Variants in BRINP3 observed in about 807,000 individuals in gnomAD.
The protein encoded by BRINP3 is BMP/retinoic acid inducible neural specific 3, also known as BMP/retinoic acid-inducible neural-specific protein 3.
Under a neutral mutation model 71.0 loss-of-function variants are expected in BRINP3, and 19 were observed. That is an observed-to-expected ratio of 0.27 (90% CI 0.19 to 0.39). The LOEUF is 0.39. BRINP3 is among the 10% of genes least tolerant of loss of function. BRINP3 has a pLI of 1.00. For missense variants in BRINP3, 959 were observed against 940.8 expected, an observed-to-expected ratio of 1.02 and a Z score of -0.25; for synonymous variants, 380 against 337.7, an observed-to-expected ratio of 1.13 and a Z score of -1.37.
chr1:190,205,059 C>G (rs1051249525), intron 6 of BRINP3, among the ~76,000 whole-genome samples: 45 of 151,666 alleles, frequency 3.0e-4, no homozygotes, highest in African/African-American at 1.1e-3. Flanking sequence ...AGCCAGTATG[C>G]AGTTGATATG....
intron 2 of BRINP3, among the ~76,000 whole-genome samples, chr1:190,413,581 A>G (rs1420220593): frequency 2.0e-5 from 3 of 152,196 alleles, no homozygotes; most frequent in Non-Finnish European, 4.4e-5. Flanking sequence ...GCCACCATCC[A>G]TGTAATGCTA....
intron 6 of BRINP3, among the ~76,000 whole-genome samples, chr1:190,174,414 A>G (rs1652304265): frequency 6.6e-6 from 1 of 152,166 alleles, no homozygotes; most frequent in African/African-American, 2.4e-5. Context: ...ATCCATACGT[A>G]TATATACACA....
intron 2 of BRINP3, among the ~76,000 whole-genome samples, chr1:190,312,179 A>G (rs1411202775): frequency 1.3e-5 from 2 of 149,816 alleles, no homozygotes; most frequent in Non-Finnish European, 3.0e-5. Flanking sequence ...CTCAATAGCA[A>G]ATGATGATCT....
chr1:190,137,481 CAA>C (rs1655074302), intron 7 of BRINP3, among the ~76,000 whole-genome samples: 1 of 146,126 alleles, frequency 6.8e-6, no homozygotes, highest in Non-Finnish European at 1.5e-5. Flanking sequence ...GCATTATAGA[CAA>C]GAGGTGGAGG....
chr1:190,371,551 T>C (rs1232133385), intron 2 of BRINP3, among the ~76,000 whole-genome samples: 1 of 152,200 alleles, frequency 6.6e-6, no homozygotes, highest in African/African-American at 2.4e-5. Flanking sequence ...TTTTATGCCA[T>C]TATCATGATG....
At chr1:190,151,070 C>G (rs1050711810) in intron 7 of BRINP3, among the ~76,000 whole-genome samples, 2 of 151,992 alleles carry the variant, frequency 1.3e-5, no homozygotes, top group African/African-American at 4.8e-5. Context: ...TCGCTTGAAC[C>G]TGGGAGGTGG....
chr1:190,404,465 G>T (rs1183125123), intron 2 of BRINP3, among the ~76,000 whole-genome samples: 1 of 152,110 alleles, frequency 6.6e-6, no homozygotes, highest in Non-Finnish European at 1.5e-5. Flanking sequence ...CTCACGACGT[G>T]TTATTTATTG....
At chr1:190,164,907 C>T (rs1360616) in intron 6 of BRINP3, among the ~76,000 whole-genome samples, 20,013 of 151,878 alleles carry the variant, frequency 0.13, 1,506 homozygotes, top group African/African-American at 0.2. Context: ...TATTTAATTA[C>T]TTGTTAACAT....
chr1:190,280,429 G>A (rs756237833), intron 3 of BRINP3, among the ~76,000 whole-genome samples: 1 of 151,728 alleles, frequency 6.6e-6, no homozygotes, highest in Non-Finnish European at 1.5e-5. Flanking sequence ...TTTTAAAAGA[G>A]CTGTGTGGAG....
chr1:190,139,451 C>CAAA (rs11315431), intron 7 of BRINP3, among the ~76,000 whole-genome samples: 43 of 87,424 alleles, frequency 4.9e-4, no homozygotes, highest in Non-Finnish European at 6.5e-4. Flanking sequence ...GACTCTGTCT[C>CAAA]AAAAAAAAAA....
intron 1 of BRINP3, among the ~76,000 whole-genome samples, chr1:190,460,511 G>A (rs1676314847): frequency 3.9e-5 from 6 of 152,064 alleles, no homozygotes; most frequent in Admixed American, 3.9e-4. Context: ...TTTGGTAGAA[G>A]TAATAATGTA....
intron 2 of BRINP3, among the ~76,000 whole-genome samples, chr1:190,400,280 C>A (rs542056858): frequency 2.0e-5 from 3 of 152,092 alleles, no homozygotes; most frequent in African/African-American, 4.8e-5. Flanking sequence ...GAATTGTAAG[C>A]TATAACTTAT....
At chr1:190,322,310 T>C (rs553761700) in intron 2 of BRINP3, among the ~76,000 whole-genome samples, 68 of 152,206 alleles carry the variant, frequency 4.5e-4, no homozygotes, top group African/African-American at 1.6e-3. Context: ...CAGTTCTTTG[T>C]CTTTAAATAC....
chr1:190,312,653 G>T (rs911679017), intron 2 of BRINP3, among the ~76,000 whole-genome samples: 3 of 151,644 alleles, frequency 2.0e-5, no homozygotes, highest in African/African-American at 7.3e-5. Flanking sequence ...AATATGAGTG[G>T]TTCAAAGGTT....
intron 7 of BRINP3, among the ~76,000 whole-genome samples, chr1:190,119,340 G>A (rs964868609): frequency 6.6e-6 from 1 of 151,896 alleles, no homozygotes; most frequent in Non-Finnish European, 1.5e-5. Flanking sequence ...GCAGTGGCAC[G>A]ATCTCGGCTC....
chr1:190,112,056 A>G (rs1652742052), intron 7 of BRINP3, among the ~76,000 whole-genome samples: 1 of 152,184 alleles, frequency 6.6e-6, no homozygotes, highest in South Asian at 2.1e-4. Flanking sequence ...AAAATCTGAA[A>G]GAGGAAGTTG....
chr1:190,334,411 C>T (rs1253854628), intron 2 of BRINP3, among the ~76,000 whole-genome samples: 1 of 151,692 alleles, frequency 6.6e-6, no homozygotes, highest in Non-Finnish European at 1.5e-5. Flanking sequence ...GAAAAATCAA[C>T]ACGAGAAACT....
intron 4 of BRINP3, among the ~76,000 whole-genome samples, chr1:190,247,599 T>A (rs1659727099): frequency 6.6e-6 from 1 of 151,834 alleles, no homozygotes; most frequent in Admixed American, 6.6e-5. Context: ...TAACTTCGTA[T>A]CCCTTAACAA....
chr1:190,138,200 C>T (rs957589009), intron 7 of BRINP3, among the ~76,000 whole-genome samples: 7 of 152,078 alleles, frequency 4.6e-5, no homozygotes, highest in African/African-American at 1.4e-4. Flanking sequence ...GTGATCTGCC[C>T]ACCTTGGCCT....
Sources: allele counts gnomAD v4.1 joint callset (sites outside exome capture counted in the v4.1 genomes callset), GRCh38; gene constraint gnomAD v4.1.1; transcripts MANE v1.5; gene names NCBI Gene and HGNC (gene_info 2026-07-23, HGNC 2026-07-21).